The following INO80 variants were observed in gnomAD, a reference collection of about 807,000 sequenced individuals.
The protein encoded by INO80 is INO80 complex ATPase subunit, also known as chromatin-remodeling ATPase INO80.
A neutral mutation model predicts 203.4 loss-of-function variants in INO80; 20 were observed. The observed-to-expected ratio is 0.10, with a 90% CI of 0.07 to 0.14. INO80 has a LOEUF of 0.14. INO80 is among the 10% of genes least tolerant of loss of function. The pLI, the probability that INO80 is intolerant of heterozygous loss-of-function variation, is 1.00. For missense variants in INO80, 1,419 were observed against 1,914.4 expected (o/e 0.74, Z 4.83); for synonymous variants, 726 against 685.2 (o/e 1.06, Z -0.93).
chr15:41,040,949 A>G (rs7173146), intron 24 of INO80, among the ~76,000 whole-genome samples: 134,111 of 152,198 alleles, frequency 0.88, 61,228 homozygotes, highest in East Asian at 1. Flanking sequence ...AATTATCCAA[A>G]TGGCCAATAA....
At chr15:41,085,805 A>G (rs1253624537) in intron 6 of INO80, among the ~76,000 whole-genome samples, 1 of 152,212 alleles carries the variant, frequency 6.6e-6, no homozygotes, top group Non-Finnish European at 1.5e-5. Flanking sequence ...AGAACACTGG[A>G]TACTCACTCT....
intron 25 of INO80, 146 bp from the exon 26 acceptor site, chr15:41,021,271 C>T (rs919205811): frequency 3.4e-6 from 2 of 589,484 alleles, no homozygotes; most frequent in Non-Finnish European, 6.0e-6. Flanking sequence ...ACTAAGCTGT[C>T]CCTAATGAAT....
intron 24 of INO80, among the ~76,000 whole-genome samples, chr15:41,032,073 G>T (rs4923893): frequency 1.9e-5 from 1 of 52,400 alleles, no homozygotes; most frequent in Non-Finnish European, 4.2e-5. Flanking sequence ...GACAGCACAG[G>T]ACAGCACAGC....
intron 1 of INO80, among the ~76,000 whole-genome samples, chr15:41,107,834 G>A (rs924323622): frequency 6.6e-6 from 1 of 151,698 alleles, no homozygotes; most frequent in Non-Finnish European, 1.5e-5. Context: ...GGGCATGGTG[G>A]CTCACGCCTG....
intron 1 of INO80, among the ~76,000 whole-genome samples, chr15:41,104,441 AAT>A (rs2045853213): frequency 6.6e-6 from 1 of 152,110 alleles, no homozygotes; most frequent in African/African-American, 2.4e-5. Flanking sequence ...TATGCTTCAG[AAT>A]CATACCCACA....
chr15:41,066,427 G>A (rs1018379234), intron 14 of INO80, among the ~76,000 whole-genome samples: 4 of 152,014 alleles, frequency 2.6e-5, no homozygotes, highest in Non-Finnish European at 4.4e-5. Flanking sequence ...AAAGTACTGG[G>A]ATTACAGGCA....
chr15:40,990,670 G>GC (rs1210022257), intron 29 of INO80, among the ~76,000 whole-genome samples: 1 of 152,188 alleles, frequency 6.6e-6, no homozygotes, highest in Non-Finnish European at 1.5e-5. Flanking sequence ...AATGCTTGTT[G>GC]CCTCTAGAGG....
At chr15:41,050,217 G>A in intron 19 of INO80, 115 bp from the exon 20 acceptor site, 1 of 673,212 alleles carries the variant, frequency 1.5e-6, no homozygotes. Flanking sequence ...AAACATATGT[G>A]AACTCAGTAT....
intron 27 of INO80, among the ~76,000 whole-genome samples, chr15:41,007,168 C>CTTTTTTTTTTTTTCTTTTTTT: frequency 7.8e-6 from 1 of 128,584 alleles, no homozygotes; most frequent in Non-Finnish European, 1.7e-5. Context: ...CACAGGCACT[C>CTTTTTTTTTTTTTCTTTTTTT]TTTTTTTTTT....
At chr15:40,984,791 C>T (rs1012856797) in intron 32 of INO80, among the ~76,000 whole-genome samples, 18 of 152,248 alleles carry the variant, frequency 1.2e-4, no homozygotes, top group Non-Finnish European at 2.2e-4. Context: ...TGACTGAATG[C>T]AGTCCCACAA....
chr15:41,070,944 A>G (rs1401301403), intron 12 of INO80, among the ~76,000 whole-genome samples: 1 of 152,258 alleles, frequency 6.6e-6, no homozygotes, highest in Non-Finnish European at 1.5e-5. Flanking sequence ...CGAGGCAGGC[A>G]TATCGCATGA....
chr15:41,094,050 C>T (rs763498816), intron 4 of INO80, among the ~76,000 whole-genome samples: 2 of 152,108 alleles, frequency 1.3e-5, no homozygotes, highest in Non-Finnish European at 2.9e-5. Flanking sequence ...GTTTTAATTG[C>T]TTTTGAGTAC....
intron 16 of INO80, 67 bp downstream of exon 16, chr15:41,058,572 T>TGTGTGTGTGTGTGC: frequency 6.0e-6 from 1 of 167,002 alleles, no homozygotes; most frequent in Non-Finnish European, 9.6e-6. Flanking sequence ...TGTGTGTGCG[T>TGTGTGTGTGTGTGC]GTGTGTGTGT....
rs2046031310 is a variant in INO80 at position 41,116,046 on chromosome 15, G to A, written c.-117C>T. 5 of 394,736 alleles carry A rather than the reference G, an allele frequency of 1.3e-5. No homozygotes were observed. The highest frequency in any genetic ancestry group is 2.2e-5 in the Non-Finnish European group (5 of 223,582). 24.5% of individuals were successfully genotyped at this position (394,736 alleles called of 1,614,324 possible). A position where few individuals can be genotyped will look rare whatever the true frequency, so the allele number is the denominator to read the frequency against. ...GGTGCGGGCGGGGTCCGGAGGGGGG[G>A]GTCGCCCCGCCGACGGTGGAGCCGC... On this transcript the variant is annotated 5_prime_UTR_variant, in exon 1 of 36. Coordinates refer to ENST00000648947, the MANE Select transcript of INO80 (RefSeq NM_017553.3).
At chr15:41,020,594 C>G (rs2044278292) in intron 26 of INO80, among the ~76,000 whole-genome samples, 1 of 151,924 alleles carries the variant, frequency 6.6e-6, no homozygotes, top group African/African-American at 2.4e-5. Flanking sequence ...CACAAGACAA[C>G]CGTACTCATT....
At position 41,073,459 on chromosome 15, in the gene INO80, G is replaced by A. The variant is rs1342712835; in HGVS notation, c.1364C>T (p.Ala455Val). 3 of 1,613,944 alleles carry A rather than the reference G, an allele frequency of 1.9e-6. No individual in the cohort carries two copies. The highest frequency in any genetic ancestry group is 3.3e-5 in the Admixed American group (2 of 59,978). ...TTGGTGAATATGGTAAGCATTTTCA[G>A]CATTCTTCAGGGCCTGGGCTTTAAA... ...NHFKAQALKN[A>V]ENAYHIHQAR... The change falls in exon 11 of 36, where the codon GCT becomes GTT. Residue 455 changes from alanine to valine, a missense_variant. Around this residue, in one of 9 missense-constraint regions of INO80, gnomAD observed 116 missense variants for 119.5 expected, o/e 0.97. Coordinates refer to ENST00000648947, the MANE Select transcript of INO80 (RefSeq NM_017553.3).
At position 40,980,136 on chromosome 15, in the gene INO80, G is replaced by A. The variant is rs1362217006; in HGVS notation, c.*87C>T. 2.5e-5 allele frequency: 26 copies of A among 1,027,568 alleles called. No individual in the cohort carries two copies. Among genetic ancestry groups the A allele is most frequent in the African/African-American group, 3.3e-5 (2 of 61,318 alleles). The allele number at this position is 1,027,568 out of a possible 1,614,324, so 63.7% of individuals were successfully genotyped here. On this transcript the variant is annotated 3_prime_UTR_variant, in exon 36 of 36. Coordinates refer to ENST00000648947, the MANE Select transcript of INO80 (RefSeq NM_017553.3). ...CCACTTCTGACTCAGGATGCAAGAT[G>A]CTGCACGGGGCAAGCCATCCAAAGA...
chr15:41,107,956 CG>C (rs1566952329), intron 1 of INO80, among the ~76,000 whole-genome samples: 1 of 151,804 alleles, frequency 6.6e-6, no homozygotes, highest in Non-Finnish European at 1.5e-5. Context: ...AAAAATTAGC[CG>C]GGCATGGTGG....
At chr15:41,073,793 T>C (rs2045359943) in intron 10 of INO80, among the ~76,000 whole-genome samples, 1 of 152,028 alleles carries the variant, frequency 6.6e-6, no homozygotes, top group Non-Finnish European at 1.5e-5. Flanking sequence ...ATCAAGACAA[T>C]CAGGATTCAA....
Sources: gnomAD v4.1 joint callset for allele counts (sites outside exome capture counted in the v4.1 genomes callset) on GRCh38, gnomAD v4.1.1 for gene constraint, gnomAD v4.1.1 regional missense constraint, MANE v1.5 for transcripts, NCBI Gene and HGNC (gene_info 2026-07-23, HGNC 2026-07-21) for gene names.